Variants in RTL1 observed in about 807,000 individuals in gnomAD.
RTL1 encodes the protein retrotransposon Gag like 1, also known as retrotransposon-like protein 1.
For missense variants in RTL1, 1,681 were observed against 1,767.5 expected (o/e 0.95, Z 0.88); for synonymous variants, 727 against 748.4 (o/e 0.97, Z 0.47).
At chr14:100,889,713 AAGG>A (rs1215215726) in intron 3 of RTL1, 1 of 152,236 alleles carries the variant, frequency 6.6e-6, no homozygotes, top group African/African-American at 2.4e-5. Flanking sequence ...CATCACCAGG[AAGG>A]AGATGAGACT....
At position 100,882,392 on chromosome 14, in the gene RTL1, C is replaced by A. The variant is rs1187317790; in HGVS notation, c.2397G>T (p.Gly799=). 6.4e-7 allele frequency: 1 copy of A among 1,551,716 alleles called. No individual in the cohort carries two copies. The highest frequency in any genetic ancestry group is 1.4e-5 in the African/African-American group (1 of 73,016). Residue 799 remains glycine (G), a synonymous_variant, in exon 4 of 4, where the codon GGG becomes GGT. Coordinates refer to ENST00000649591, the MANE Select transcript of RTL1 (RefSeq NM_001134888.3). ...LNKNVMTIIT[G]YPTPGSKLSL... is the part of the protein sequence containing the mutation. ...ATAGCTTGGAGCCAGGGGTAGGGTACCCTGTTATGATGGTCATGACGTTCT... is the reference window on the plus strand; with the variant it reads ...ATAGCTTGGAGCCAGGGGTAGGGTAACCTGTTATGATGGTCATGACGTTCT...
At chr14:100,885,139 C>G (rs2038680454) in intron 3 of RTL1, among the ~76,000 whole-genome samples, 1 of 152,226 alleles carries the variant, frequency 6.6e-6, no homozygotes, top group Admixed American at 6.5e-5. Context: ...GTGAGAAATT[C>G]ACAGCCCATA....
intron 2 of RTL1, among the ~76,000 whole-genome samples, chr14:100,900,438 T>G (rs1384291650): frequency 6.6e-6 from 1 of 152,234 alleles, no homozygotes; most frequent in Non-Finnish European, 1.5e-5. Flanking sequence ...CTCGGGAGCG[T>G]GAGCCTGGTC....
In RTL1 at chr14:100,883,349, C is replaced by T. The variant is rs1203985358; in HGVS notation, c.1440G>A (p.Val480=). 5 of 1,551,292 alleles carry T rather than the reference C, an allele frequency of 3.2e-6. No homozygotes were observed. The African/African-American group carries it at 5.5e-5, about 17-fold the overall frequency. Residue 480 remains valine, a synonymous_variant, in exon 4 of 4, where the codon GTG becomes GTA. Coordinates refer to ENST00000649591, the MANE Select transcript of RTL1 (RefSeq NM_001134888.3). The surrounding 1 kb of genome is among the most constrained non-coding windows in gnomAD (Gnocchi z 5.9). ...ACTCCTGGTGGTTCTGGTGGATACA[C>T]ACCAGGGGCTCCGTGTAGAGCCAGA... ...EPVWLYTEPL[V]CIHQNHQESI...
chr14:100,900,050 C>T (rs962057916), intron 2 of RTL1, among the ~76,000 whole-genome samples: 1 of 152,250 alleles, frequency 6.6e-6, no homozygotes, highest in African/African-American at 2.4e-5. Flanking sequence ...GGCTGCCCTA[C>T]CACTTTGAAT....
intron 2 of RTL1, among the ~76,000 whole-genome samples, chr14:100,899,826 A>T (rs1202657102): frequency 6.6e-6 from 1 of 152,026 alleles, no homozygotes; most frequent in Admixed American, 6.6e-5. Context: ...ACCCAGCAAA[A>T]CTCGGTAGCT....
rs200835629 is a variant in RTL1, at chr14:100,881,086, C to T, written c.3703G>A (p.Ala1235Thr). ...VGDEDVVLRE[A>T]LQDDLQRYRQ... ...TAACGTTGCAGGTCGTCTTGCAGGG[C>T]TTCTCGCAAGACGACATCCTCATCA... The change falls in exon 4 of 4, where the codon GCC (alanine) becomes ACC (threonine). Residue 1235 changes from alanine (A) to threonine (T), a missense_variant. Ala to Thr is a moderately conservative substitution (Grantham distance 58). Transcript: ENST00000649591. The surrounding 1 kb of genome is among the most constrained non-coding windows in gnomAD (Gnocchi z 6.6). 21 of 1,597,602 alleles carry T rather than the reference C, an allele frequency of 1.3e-5. No individual in the cohort carries two copies. Among genetic ancestry groups the T allele is most frequent in the African/African-American group, 2.7e-5 (2 of 74,540 alleles).
At chr14:100,887,567 A>C (rs191301455) in intron 3 of RTL1, among the ~76,000 whole-genome samples, 1 of 152,318 alleles carries the variant, frequency 6.6e-6, no homozygotes, top group Non-Finnish European at 1.5e-5. Context: ...CAGCCTGGCC[A>C]ACATGGTGAA....
chr14:100,880,954 G>A lies in RTL1; in HGVS notation c.3835C>T (p.Arg1279Cys), dbSNP rs375409115. ...TGGGGATCCATCAGGTGGCGTGGGC[G>A]GGGTGGGTGGGTGGCTGCTGTGTGG... is the stretch of plus-strand genomic sequence containing the variant. The part of the protein sequence containing the change: ...PSHTAATHPP[R>C]PRHLMDPQVL... Residue 1279 changes from arginine to cysteine, a missense_variant, in exon 4 of 4, where the codon CGC becomes TGC. Arg to Cys is a radical substitution (Grantham distance 180, BLOSUM62 -3). Coordinates refer to ENST00000649591, the MANE Select transcript of RTL1 (RefSeq NM_001134888.3). 1.3e-4 allele frequency: 196 copies of A among 1,548,320 alleles called. No individual in the cohort carries two copies. In the African/African-American group the frequency reaches 2.0e-3, roughly 16 times the overall value.
In RTL1 at chr14:100,888,118, T is replaced by A. The variant is rs369256951; in HGVS notation, c.-86-3244A>T. ...CTTTACTGGCTGACATCCGAACGCC[T>A]CTGCATGAGATTTCAACAATGAGCT... On this transcript the variant is annotated intron_variant, in intron 3 of 3. Coordinates refer to ENST00000649591, the MANE Select transcript of RTL1 (RefSeq NM_001134888.3). 2.6e-5 allele frequency among the ~76,000 whole-genome samples: 4 copies of A among 152,316 alleles called. No homozygotes were observed. In the East Asian group the frequency reaches 5.8e-4, roughly 22 times the overall value.
In RTL1 at chr14:100,883,148, G is replaced by C. The variant is rs752570082; in HGVS notation, c.1641C>G (p.His547Gln). Residue 547 changes from histidine (H) to glutamine (Q), a missense_variant, in exon 4 of 4, where the codon CAC becomes CAG. Physicochemically the swap from His to Gln is conservative, Grantham distance 24. Transcript: ENST00000649591. This position sits in a 1 kb window ranked among gnomAD's most constrained non-coding sequence, Gnocchi z 5.9. ...GCAGTCCGGGTAGCAGGCTCATGCCGTGCCTCTCTAGGGCAATGCATGGCG... is the reference window on the plus strand; with the variant it reads ...GCAGTCCGGGTAGCAGGCTCATGCCCTGCCTCTCTAGGGCAATGCATGGCG... ...PPPPCIALER[H>Q]GMSLLPGLPH... 6.2e-7 allele frequency: 1 copy of C among 1,605,776 alleles called. No homozygotes were observed. The highest frequency in any genetic ancestry group is 1.1e-5 in the South Asian group (1 of 89,864).
intron 3 of RTL1, among the ~76,000 whole-genome samples, chr14:100,892,092 A>G (rs1284223156): frequency 1.3e-5 from 2 of 152,118 alleles, no homozygotes; most frequent in Non-Finnish European, 2.9e-5. Context: ...AGCACAGACT[A>G]TGTGGTCTCT....
At chr14:100,901,348 T>C (rs2038939611) in intron 2 of RTL1, among the ~76,000 whole-genome samples, 1 of 152,202 alleles carries the variant, frequency 6.6e-6, no homozygotes, top group Non-Finnish European at 1.5e-5. Flanking sequence ...ACTGGGAGCA[T>C]AAGGCAGAAA....
Position 100,880,647 on chromosome 14 carries a change from G to C in RTL1, c.*65C>G. ...GCAGGCTGAGGCGCGGGGAGGCCAG[G>C]GGACGTCGGGAGGTGTTGGGGTGAG... On this transcript the variant is annotated 3_prime_UTR_variant, in exon 4 of 4. Coordinates refer to ENST00000649591, the MANE Select transcript of RTL1 (RefSeq NM_001134888.3). 1 of 1,539,362 alleles carries C rather than the reference G, an allele frequency of 6.5e-7. No individual in the cohort carries two copies. The highest frequency in any genetic ancestry group is 1.4e-5 in the African/African-American group (1 of 72,862).
Position 100,882,142 on chromosome 14 carries a change from C to G in RTL1, c.2647G>C (p.Gly883Arg), listed in dbSNP as rs1217017740. The G allele has an allele frequency of 1.9e-6, 3 of 1,551,572 alleles. No homozygotes were observed. Among genetic ancestry groups the G allele is most frequent in the Non-Finnish European group, 2.6e-6 (3 of 1,147,398 alleles). The stretch of plus-strand genomic sequence containing the variant: ...ATCAGGGAGGCGTGCAGGGCCGTGC[C>G]GGTGACGCCGGTTTCCAAGTAGAAT... ...NPFYLETGVT[G>R]TALHASLIQI... The change falls in exon 4 of 4, where the codon GGC becomes CGC. Residue 883 changes from glycine (G) to arginine (R), a missense_variant. By Grantham distance (125) the Gly-to-Arg change is moderately radical. Coordinates refer to ENST00000649591, the MANE Select transcript of RTL1 (RefSeq NM_001134888.3).
At position 100,882,159 on chromosome 14, in the gene RTL1, A is replaced by G; in HGVS notation, c.2630T>C (p.Leu877Ser). The part of the protein sequence containing the change: ...HHPKPQNPFY[L>S]ETGVTGTALH... ...GGCCGTGCCGGTGACGCCGGTTTCCAAGTAGAATGGGTTCTGGGGCTTGGG... is the reference window on the plus strand; with the variant it reads ...GGCCGTGCCGGTGACGCCGGTTTCCGAGTAGAATGGGTTCTGGGGCTTGGG... The change falls in exon 4 of 4, where the codon TTG becomes TCG. Residue 877 changes from leucine to serine, a missense_variant. Coordinates refer to ENST00000649591, the MANE Select transcript of RTL1 (RefSeq NM_001134888.3). 1 of 1,550,710 alleles carries G rather than the reference A, an allele frequency of 6.4e-7. No individual in the cohort carries two copies. The highest frequency in any genetic ancestry group is 8.7e-7 in the Non-Finnish European group (1 of 1,147,052).
chr14:100,884,327 G>A lies in RTL1; in HGVS notation c.462C>T (p.Asn154=). The part of the protein sequence containing the change: ...SGREETPQEQ[N]QTEHSTAELM... Reference sequence around the variant, plus strand: ...GTTCTGCGGTTGAGTGCTCGGTCTGGTTTTGCTCTTGAGGAGTCTCCTCCC... The same window carrying A: ...GTTCTGCGGTTGAGTGCTCGGTCTGATTTTGCTCTTGAGGAGTCTCCTCCC... The change falls in exon 4 of 4, where the codon AAC becomes AAT. Residue 154 remains asparagine (N), a synonymous_variant. Transcript: ENST00000649591. 1.3e-6 allele frequency: 2 copies of A among 1,543,208 alleles called. No homozygotes were observed. Among genetic ancestry groups the A allele is most frequent in the Non-Finnish European group, 1.8e-6 (2 of 1,141,068 alleles).
chr14:100,890,751 G>A (rs1183387339), intron 3 of RTL1, among the ~76,000 whole-genome samples: 3 of 152,086 alleles, frequency 2.0e-5, no homozygotes, highest in African/African-American at 4.8e-5. Flanking sequence ...GGGTTTGAGG[G>A]ACATAGCTAC....
At chr14:100,886,214 T>TAAAA (rs11400270) in intron 3 of RTL1, among the ~76,000 whole-genome samples, 1 of 131,836 alleles carries the variant, frequency 7.6e-6, no homozygotes, top group African/African-American at 2.7e-5. Flanking sequence ...GACCCATCCG[T>TAAAA]AAAAAAAAAA....
Sources: allele counts gnomAD v4.1 joint callset (sites outside exome capture counted in the v4.1 genomes callset), GRCh38; gene constraint gnomAD v4.1.1; non-coding constraint Gnocchi (gnomAD v3.1); transcripts MANE v1.5; gene names NCBI Gene and HGNC (gene_info 2026-07-23, HGNC 2026-07-21).